The following NELL2 variants were observed in gnomAD, a reference collection of about 807,000 sequenced individuals.
NELL2 encodes the protein protein kinase C-binding protein NELL2.
A neutral mutation model predicts 109.6 loss-of-function variants in NELL2; 41 were observed. The ratio of observed to expected loss-of-function variants is 0.37; its 90% CI spans 0.29 to 0.49. The LOEUF is 0.49. NELL2 is among the 20% of genes least tolerant of loss of function. The pLI is 0.98. For missense variants in NELL2, 900 were observed against 1,008.3 expected, an observed-to-expected ratio of 0.89 and a Z score of 1.45; for synonymous variants, 355 against 344.7, an observed-to-expected ratio of 1.03 and a Z score of -0.33.
intron 15 of NELL2, among the ~76,000 whole-genome samples, chr12:44,588,052 G>A (rs1944598668): frequency 6.6e-6 from 1 of 152,030 alleles, no homozygotes; most frequent in Non-Finnish European, 1.5e-5. Flanking sequence ...TCGGGAGGCT[G>A]AGGCGGGAGA....
chr12:44,883,757 G>C (rs189474281), intron 1 of NELL2, among the ~76,000 whole-genome samples: 248 of 152,078 alleles, frequency 1.6e-3, no homozygotes, highest in Non-Finnish European at 2.6e-3. Flanking sequence ...ACTCTAAGTA[G>C]ATGATAAAAA....
intron 1 of NELL2, chr12:44,913,684 G>A (rs1054118468): frequency 2.2e-5 from 10 of 452,256 alleles, no homozygotes; most frequent in Non-Finnish European, 3.6e-5. Context: ...AAAACAATAT[G>A]ATTCACATCA....
chr12:44,875,632 C>CATTTAAAGCT, intron 1 of NELL2, 183 bp downstream of exon 1: 1 of 1,606,016 alleles, frequency 6.2e-7, no homozygotes, highest in Non-Finnish European at 8.5e-7. Flanking sequence ...CGTGATCCGC[C>CATTTAAAGCT]TCGCGGTCTC....
intron 9 of NELL2, among the ~76,000 whole-genome samples, chr12:44,751,153 G>C (rs559103451): frequency 1.3e-5 from 2 of 152,130 alleles, no homozygotes; most frequent in Non-Finnish European, 2.9e-5. Flanking sequence ...TAAGGGATGA[G>C]AGACAGGGTA....
intron 16 of NELL2, among the ~76,000 whole-genome samples, chr12:44,531,939 G>A (rs1592077586): frequency 6.6e-6 from 1 of 152,092 alleles, no homozygotes; most frequent in Non-Finnish European, 1.5e-5. Context: ...TAAAAATCAT[G>A]CCCCTTAAAT....
At chr12:44,832,088 T>C (rs1566492372) in intron 2 of NELL2, among the ~76,000 whole-genome samples, 1 of 152,172 alleles carries the variant, frequency 6.6e-6, no homozygotes, top group Non-Finnish European at 1.5e-5. Flanking sequence ...CATACACCTC[T>C]ATTCCATATT....
chr12:44,709,497 C>T (rs550159804), intron 11 of NELL2, among the ~76,000 whole-genome samples: 1 of 152,256 alleles, frequency 6.6e-6, no homozygotes, highest in African/African-American at 2.4e-5. Context: ...ATTGAATGAC[C>T]CCAGTTAACA....
chr12:44,540,780 C>CAAAAAAAAAAA, intron 15 of NELL2, among the ~76,000 whole-genome samples: 1 of 7,924 alleles, frequency 1.3e-4, no homozygotes, highest in African/African-American at 5.4e-4. Flanking sequence ...AGTCTGCAAG[C>CAAAAAAAAAAA]CAAAAAAAAA....
intron 12 of NELL2, among the ~76,000 whole-genome samples, chr12:44,682,054 T>C (rs1036131156): frequency 2.0e-5 from 3 of 151,034 alleles, no homozygotes; most frequent in Non-Finnish European, 4.4e-5. Flanking sequence ...AGTGTTCCTA[T>C]TTCTCCACAT....
chr12:44,648,900 T>TTGTGTGTGTG (rs563769057), intron 13 of NELL2, among the ~76,000 whole-genome samples: 4,199 of 107,096 alleles, frequency 0.039, 154 homozygotes, highest in East Asian at 0.054. Context: ...CACGCCCAGC[T>TTGTGTGTGTG]TGTGTGTGTG....
intron 19 of NELL2, among the ~76,000 whole-genome samples, chr12:44,512,506 A>C (rs2138958826): frequency 6.6e-6 from 1 of 152,298 alleles, no homozygotes; most frequent in African/African-American, 2.4e-5. Context: ...AAAAATCAGT[A>C]TATTGAAGAT....
At position 44,601,559 on chromosome 12, in the gene NELL2, G is replaced by A. The variant is rs59142328; in HGVS notation, c.1663+5610C>T. 7.5e-3 allele frequency among the ~76,000 whole-genome samples: 1,139 copies of A among 152,148 alleles called. 11 individuals carry two copies. Among genetic ancestry groups the A allele is most frequent in the African/African-American group, 0.027 (1,102 of 41,514 alleles). On this transcript the variant is annotated intron_variant, in intron 15 of 19. Transcript: ENST00000429094. ...ATCAAGAAAACTAGAATCCTTTATT[G>A]CTCTTAACCTTTCTCTTATAACATC... is the stretch of plus-strand genomic sequence containing the variant.
intron 11 of NELL2, 22 bp from the exon 12 acceptor site, chr12:44,703,876 T>C: frequency 2.5e-6 from 4 of 1,599,994 alleles, no homozygotes; most frequent in Non-Finnish European, 3.4e-6. Flanking sequence ...AAAAGAAATT[T>C]ATTAAGGTAA....
At chr12:44,900,304 T>C (rs1294564917) in intron 1 of NELL2, among the ~76,000 whole-genome samples, 1 of 152,172 alleles carries the variant, frequency 6.6e-6, no homozygotes, top group Non-Finnish European at 1.5e-5. Context: ...ATCAATAGAA[T>C]ATACATTCTT....
At chr12:44,752,692 C>T (rs1187653279) in intron 9 of NELL2, among the ~76,000 whole-genome samples, 2 of 152,088 alleles carry the variant, frequency 1.3e-5, no homozygotes, top group Non-Finnish European at 2.9e-5. Context: ...AAATATGTTC[C>T]CCAACTTCCT....
At chr12:44,650,058 G>A (rs924436194) in intron 13 of NELL2, among the ~76,000 whole-genome samples, 2 of 152,130 alleles carry the variant, frequency 1.3e-5, no homozygotes, top group African/African-American at 2.4e-5. Flanking sequence ...CACTCCTCTC[G>A]CAAAGGAGTT....
intron 13 of NELL2, among the ~76,000 whole-genome samples, chr12:44,633,910 C>T (rs896044561): frequency 5.3e-5 from 8 of 152,046 alleles, no homozygotes; most frequent in African/African-American, 1.7e-4. Flanking sequence ...CATAACCATT[C>T]CTGTAAAATT....
chr12:44,696,956 C>T (rs1246326426), intron 12 of NELL2, among the ~76,000 whole-genome samples: 3 of 152,110 alleles, frequency 2.0e-5, no homozygotes, highest in Admixed American at 6.6e-5. Context: ...ATAAATAACA[C>T]AGTATATAAT....
chr12:44,844,046 A>T (rs1592641071), intron 2 of NELL2, among the ~76,000 whole-genome samples: 1 of 152,246 alleles, frequency 6.6e-6, no homozygotes, highest in East Asian at 1.9e-4. Context: ...CAAAGACAGC[A>T]CCTTGTTGCT....
Sources: allele counts gnomAD v4.1 joint callset (sites outside exome capture counted in the v4.1 genomes callset), GRCh38; gene constraint gnomAD v4.1.1; transcripts MANE v1.5; gene names NCBI Gene and HGNC (gene_info 2026-07-23, HGNC 2026-07-21).